MCF2L: variants seen among roughly 807,000 people sequenced by gnomAD.
The protein encoded by MCF2L is MCF.2 cell line derived transforming sequence like, also known as guanine nucleotide exchange factor DBS.
MCF2L carries 97 observed loss-of-function variants against 153.4 expected under a neutral mutation model. That is an observed-to-expected ratio of 0.63 (90% CI 0.54 to 0.75). The LOEUF is 0.75. MCF2L is among the 30% of genes least tolerant of loss of function. The probability of loss-of-function intolerance (pLI) is 0.00; values close to 1 mark genes in which losing one functional copy is unlikely to be tolerated. For synonymous variants in MCF2L, 659 were observed against 632.2 expected (o/e 1.04, Z -0.64); for missense variants, 1,347 against 1,495.2 (o/e 0.90, Z 1.64).
At chr13:113,059,661 G>T (rs1354988050) in intron 4 of MCF2L, among the ~76,000 whole-genome samples, 1 of 152,140 alleles carries the variant, frequency 6.6e-6, no homozygotes, top group Non-Finnish European at 1.5e-5. Flanking sequence ...CGCCACGCAC[G>T]CCTTGGTCCA....
intron 1 of MCF2L, among the ~76,000 whole-genome samples, chr13:113,010,832 C>T (rs1406257412): frequency 6.6e-6 from 1 of 152,228 alleles, no homozygotes; most frequent in East Asian, 1.9e-4. Flanking sequence ...CACCACCTCC[C>T]AGACGTCTGA....
At chr13:112,987,663 G>A (rs1373320610) in intron 1 of MCF2L, among the ~76,000 whole-genome samples, 1 of 152,252 alleles carries the variant, frequency 6.6e-6, no homozygotes, top group Non-Finnish European at 1.5e-5. Context: ...GTGGCTTGCT[G>A]GTCTTTGCAC....
chr13:113,034,875 AG>A lies in MCF2L; in HGVS notation c.278+10119del, dbSNP rs1233997447. Among the ~76,000 whole-genome samples, 680 of 148,032 alleles carry A rather than the reference AG, an allele frequency of 4.6e-3. 23 individuals are homozygous for A. In the East Asian group the frequency reaches 0.092, roughly 20 times the overall value. On this transcript the variant is annotated intron_variant, in intron 3 of 29. Coordinates refer to ENST00000535094, the MANE Select transcript of MCF2L (RefSeq NM_001112732.3). ...AAGAGCCACAGATCGGAGGTGAGGA[AG>A]GTCTGCCCGAGGTGAGGAAGGTCTG... is the stretch of plus-strand genomic sequence containing the variant.
At chr13:112,976,109 G>T (rs2082203339) in intron 1 of MCF2L, among the ~76,000 whole-genome samples, 1 of 151,274 alleles carries the variant, frequency 6.6e-6, no homozygotes, top group African/African-American at 2.4e-5. Flanking sequence ...CCTGGCATTT[G>T]CCTCTAAATT....
intron 1 of MCF2L, among the ~76,000 whole-genome samples, chr13:113,014,000 C>T (rs1470575570): frequency 3.3e-5 from 5 of 150,432 alleles, no homozygotes; most frequent in Admixed American, 1.3e-4. Context: ...GTGCTGGCCC[C>T]GTGCTCCTGG....
chr13:113,096,779 A>C lies in MCF2L; in HGVS notation c.3298A>C (p.Ser1100Arg). ...CCCGCCTGATCTCCCCGCAGAGTCGAGCCCGGGGTCGGCCGTGCTGAGCAA... is the reference window on the plus strand; with the variant it reads ...CCCGCCTGATCTCCCCGCAGAGTCGCGCCCGGGGTCGGCCGTGCTGAGCAA... ...SAQCLSSSES[S>R]PGSAVLSNSS... Residue 1100 changes from serine (S) to arginine (R), a missense_variant, in exon 30 of 30, where the codon AGC (serine) becomes CGC (arginine). By Grantham distance (110) the Ser-to-Arg change is moderately radical. Coordinates refer to ENST00000535094, the MANE Select transcript of MCF2L (RefSeq NM_001112732.3). 3.2e-6 allele frequency: 5 copies of C among 1,567,834 alleles called. No homozygotes were observed. The highest frequency in any genetic ancestry group is 4.3e-6 in the Non-Finnish European group (5 of 1,166,118).
chr13:112,955,767 C>T (rs944394993), intron 2 of MCF2L, among the ~76,000 whole-genome samples: 3 of 152,170 alleles, frequency 2.0e-5, no homozygotes, highest in Non-Finnish European at 2.9e-5. Flanking sequence ...AGACCGAGGG[C>T]TTGTCTGCTG....
rs1281360853 is a variant in MCF2L at position 113,031,745 on chromosome 13, G to C, written c.278+6987G>C. On this transcript the variant is annotated intron_variant, in intron 3 of 29. Transcript: ENST00000535094. The surrounding 1 kb of genome is among the most constrained non-coding windows in gnomAD (Gnocchi z 5.5). ...CCATGGGCCTGGCTCAAAGCTCCCA[G>C]CTCCTTGGGAGGTAGGGACTCCATC... Among the ~76,000 whole-genome samples, 1 of 151,992 alleles carries C rather than the reference G, an allele frequency of 6.6e-6. No individual in the cohort carries two copies.
At chr13:112,895,128 C>T (rs895368202) in intron 1 of MCF2L, among the ~76,000 whole-genome samples, 6 of 152,194 alleles carry the variant, frequency 3.9e-5, no homozygotes, top group African/African-American at 9.6e-5. Context: ...GCCGTGGGCC[C>T]TCTGTGGCTC....
chr13:113,004,122 C>A (rs951335381), intron 1 of MCF2L, among the ~76,000 whole-genome samples: 1 of 152,168 alleles, frequency 6.6e-6, no homozygotes, highest in African/African-American at 2.4e-5. Flanking sequence ...CTGGTGCAGG[C>A]CACGCCTCCC....
At chr13:112,980,370 C>T (rs890077460) in intron 1 of MCF2L, among the ~76,000 whole-genome samples, 2 of 152,246 alleles carry the variant, frequency 1.3e-5, no homozygotes, top group Non-Finnish European at 2.9e-5. Context: ...CCCTGTCTGG[C>T]GACCTGGAAC....
rs2035843395 is a variant in MCF2L, at chr13:113,099,729, A to G, written c.*2870A>G. 1 of 152,238 alleles carries G rather than the reference A, an allele frequency of 6.6e-6. No homozygotes were observed. 9.4% of individuals were successfully genotyped at this position (152,238 alleles called of 1,614,324 possible). ...CTCCATATCAAATAAAAAATTTTAA[A>G]TATGAGAGAACCATTATGAACACCT... is the stretch of plus-strand genomic sequence containing the variant. On this transcript the variant is annotated 3_prime_UTR_variant, in exon 30 of 30. Coordinates refer to ENST00000535094, the MANE Select transcript of MCF2L (RefSeq NM_001112732.3).
chr13:113,012,186 TGGTGGACAGGCGGTGTGGAC>T (rs2084184944), intron 1 of MCF2L, among the ~76,000 whole-genome samples: 1 of 65,436 alleles, frequency 1.5e-5, no homozygotes, highest in African/African-American at 5.6e-5. Context: ...GCAGTGTGGA[TGGTGGACAGGCGGTGTGGAC>T]GGTGGACAGG....
In MCF2L at chr13:113,086,144, G is replaced by A; in HGVS notation, c.2268G>A (p.Arg756=). 1 of 1,608,792 alleles carries A rather than the reference G, an allele frequency of 6.2e-7. No individual in the cohort carries two copies. Among genetic ancestry groups the A allele is most frequent in the South Asian group, 1.1e-5 (1 of 90,458 alleles). ...LLLKEMLKYS[R]NCEGAEDLQE... The stretch of plus-strand genomic sequence containing the variant: ...CTCAGGAAATGCTGAAATACAGCAG[G>A]AACTGCGAGGGGGCTGAGGACCTGC... Residue 756 remains arginine, a synonymous_variant, in exon 21 of 30, where the codon AGG becomes AGA. Coordinates refer to ENST00000535094, the MANE Select transcript of MCF2L (RefSeq NM_001112732.3).
chr13:112,901,140 C>T (rs567768436), intron 1 of MCF2L, among the ~76,000 whole-genome samples: 6 of 152,098 alleles, frequency 3.9e-5, no homozygotes, highest in African/African-American at 1.2e-4. Flanking sequence ...GTGGAGCCAC[C>T]GATACCGTTT....
intron 20 of MCF2L, 25 bp downstream of exon 20, chr13:113,085,203 C>G: frequency 6.2e-7 from 1 of 1,606,324 alleles, no homozygotes; most frequent in Non-Finnish European, 8.5e-7. Flanking sequence ...GACCGTGGCC[C>G]GGCCTCCCCA....
Position 113,081,149 on chromosome 13 carries a change from G to A in MCF2L, c.1809-64G>A, listed in dbSNP as rs985545763. On this transcript the variant is annotated intron_variant, in intron 15 of 29. Coordinates refer to ENST00000535094, the MANE Select transcript of MCF2L (RefSeq NM_001112732.3). ...TTCTAGGTGGCACCTGTGAGACTGTGGAGCAGACCATTCCTGCTCTCCCAG... is the reference window on the plus strand; with the variant it reads ...TTCTAGGTGGCACCTGTGAGACTGTAGAGCAGACCATTCCTGCTCTCCCAG... 1.2e-5 allele frequency: 17 copies of A among 1,373,768 alleles called. No individual in the cohort carries two copies. The African/African-American group carries it at 2.0e-4, about 16-fold the overall frequency. The allele number at this position is 1,373,768 out of a possible 1,614,324, so 85.1% of individuals were successfully genotyped here. A position where few individuals can be genotyped will look rare whatever the true frequency, so the allele number is the denominator to read the frequency against.
At chr13:112,988,866 AGG>A (rs1179061965) in intron 1 of MCF2L, among the ~76,000 whole-genome samples, 1 of 102,794 alleles carries the variant, frequency 9.7e-6, no homozygotes, top group East Asian at 2.6e-4. Flanking sequence ...CTCCCTGAGC[AGG>A]GGATGGAGCT....
In MCF2L at chr13:113,088,615, C is replaced by T; in HGVS notation, c.2821C>T (p.Pro941Ser). The T allele has an allele frequency of 6.2e-7, 1 of 1,607,554 alleles. No individual in the cohort carries two copies. The highest frequency in any genetic ancestry group is 2.2e-5 in the East Asian group (1 of 44,870). Residue 941 changes from proline to serine, a missense_variant, in exon 25 of 30, where the codon CCG becomes TCG. Physicochemically the swap from Pro to Ser is moderately conservative, Grantham distance 74. This residue lies in a region of MCF2L where 383 missense variants were observed against 335.4 expected (regional missense o/e 1.14). Coordinates refer to ENST00000535094, the MANE Select transcript of MCF2L (RefSeq NM_001112732.3). ...GTCACAGAGCCTGCCCCTGCCGGCC[C>T]CGACCAGCACCAGGTGAGAATGGAC... Reference protein sequence around the residue: ...EQSQSLPLPAPTSTSPSRGNS... With the variant: ...EQSQSLPLPASTSTSPSRGNS...
Sources: gnomAD v4.1 joint callset for allele counts (sites outside exome capture counted in the v4.1 genomes callset) on GRCh38, gnomAD v4.1.1 for gene constraint, gnomAD v4.1.1 regional missense constraint, Gnocchi (gnomAD v3.1) non-coding constraint, MANE v1.5 for transcripts, NCBI Gene and HGNC (gene_info 2026-07-23, HGNC 2026-07-21) for gene names.